Variants in RC3H1 observed in about 807,000 individuals in gnomAD.
The protein encoded by RC3H1 is roquin-1.
Under a neutral mutation model 138.2 loss-of-function variants are expected in RC3H1, and 50 were observed. The ratio of observed to expected loss-of-function variants is 0.36; its 90% confidence interval spans 0.29 to 0.46. RC3H1 has a LOEUF of 0.46. Ranked by LOEUF, RC3H1 falls within the 20% of genes least tolerant of loss-of-function variation. The pLI is 1.00. For synonymous variants in RC3H1, 462 were observed against 489.1 expected (o/e 0.94, Z 0.73); for missense variants, 1,031 against 1,388.1 (o/e 0.74, Z 4.09).
rs1157063678 is a variant in RC3H1, at chr1:173,978,521, A to G, written c.1069T>C (p.Leu357=). The G allele has an allele frequency of 3.7e-6, 6 of 1,614,036 alleles. No homozygotes were observed. Reference sequence around the variant, plus strand: ...GGGTCAATGTTTGCTAACAGCTCCAAATGGGGTCTTAGTCGGTTCAAGTTT... The same window carrying G: ...GGGTCAATGTTTGCTAACAGCTCCAGATGGGGTCTTAGTCGGTTCAAGTTT... ...PANLNRLRPH[L]ELLANIDPSP... is the part of the protein sequence containing the mutation. The change falls in exon 7 of 20, where the codon TTG becomes CTG. Residue 357 remains leucine, a synonymous_variant. Transcript: ENST00000367696.
intron 1 of RC3H1, among the ~76,000 whole-genome samples, chr1:173,998,911 G>T (rs574357533): frequency 2.6e-5 from 4 of 152,012 alleles, no homozygotes; most frequent in Non-Finnish European, 5.9e-5. Context: ...TGGCCAAAAA[G>T]GCAAGACCTT....
At chr1:173,968,979 C>T (rs1265673509) in intron 9 of RC3H1, among the ~76,000 whole-genome samples, 2 of 151,292 alleles carry the variant, frequency 1.3e-5, no homozygotes, top group East Asian at 1.9e-4. Context: ...CTGCCTCAGC[C>T]TCCCGAGTAG....
chr1:173,945,111 G>T (rs761164444), intron 17 of RC3H1, among the ~76,000 whole-genome samples: 2 of 148,544 alleles, frequency 1.3e-5, no homozygotes, highest in African/African-American at 5.1e-5. Context: ...GCACTTAAAA[G>T]ATTTTAAAAA....
At position 173,936,209 on chromosome 1, in the gene RC3H1, C is replaced by T. The variant is rs1239902446; in HGVS notation, c.*2512G>A. ...AATGAATCTTTACTTTTATTTTAAA[C>T]TTAAACAAAAATTAATACCCACAAA... is the stretch of plus-strand genomic sequence containing the variant. On this transcript the variant is annotated 3_prime_UTR_variant, in exon 20 of 20. Coordinates refer to ENST00000367696, the MANE Select transcript of RC3H1 (RefSeq NM_172071.4). The T allele has an allele frequency of 6.6e-6, 1 of 152,066 alleles. No individual in the cohort carries two copies. The highest frequency in any genetic ancestry group is 1.5e-5 in the Non-Finnish European group (1 of 68,004). 9.4% of individuals were successfully genotyped at this position (152,066 alleles called of 1,614,324 possible). A position where few individuals can be genotyped will look rare whatever the true frequency, so the allele number is the denominator to read the frequency against.
intron 8 of RC3H1, among the ~76,000 whole-genome samples, chr1:173,971,255 G>C (rs1294219814): frequency 6.6e-6 from 1 of 151,994 alleles, no homozygotes; most frequent in East Asian, 1.9e-4. Flanking sequence ...GAGCCACTGT[G>C]CCCAGCCCAT....
At chr1:173,942,229 G>A (rs1444486801) in intron 18 of RC3H1, among the ~76,000 whole-genome samples, 8 of 147,194 alleles carry the variant, frequency 5.4e-5, no homozygotes, top group East Asian at 2.0e-4. Context: ...GCAATAGTGC[G>A]AGACTCCGCC....
chr1:173,981,058 T>C (rs776354009), intron 5 of RC3H1, 49 bp from the exon 6 acceptor site: 2 of 1,486,266 alleles, frequency 1.3e-6, no homozygotes, highest in Admixed American at 3.7e-5. Flanking sequence ...AATGAGTTTA[T>C]GCTTTATATG....
At chr1:173,964,689 C>T (rs2102942729) in intron 10 of RC3H1, 150 bp downstream of exon 10, 1 of 742,032 alleles carries the variant, frequency 1.3e-6, no homozygotes, top group African/African-American at 1.8e-5. Context: ...TCTTAAAAAA[C>T]ACTAGCATGG....
intron 1 of RC3H1, chr1:174,015,763 C>T (rs1661851154): frequency 6.6e-6 from 1 of 152,174 alleles, no homozygotes; most frequent in African/African-American, 2.4e-5. Flanking sequence ...GATCCTGCCA[C>T]CTCGGCCTCC....
At chr1:173,948,868 G>C in intron 14 of RC3H1, among the ~76,000 whole-genome samples, 1 of 152,092 alleles carries the variant, frequency 6.6e-6, no homozygotes, top group Non-Finnish European at 1.5e-5. Context: ...TTACAGGTTT[G>C]AGTCACCATG....
At chr1:173,970,960 CTTTTTTTT>C (rs373953604) in intron 8 of RC3H1, among the ~76,000 whole-genome samples, 2 of 132,624 alleles carry the variant, frequency 1.5e-5, no homozygotes, top group African/African-American at 2.8e-5. Context: ...CTCATTTCCA[CTTTTTTTT>C]TTTTTTTTTT....
chr1:173,986,017 C>CTAT (rs898140190), intron 2 of RC3H1, among the ~76,000 whole-genome samples: 10 of 151,964 alleles, frequency 6.6e-5, no homozygotes, highest in Non-Finnish European at 1.0e-4. Context: ...TCAGTTTCCC[C>CTAT]TATTATTATT....
intron 1 of RC3H1, among the ~76,000 whole-genome samples, chr1:174,004,441 A>G (rs938474237): frequency 2.0e-5 from 3 of 152,026 alleles, no homozygotes; most frequent in African/African-American, 7.2e-5. Context: ...TTAATACACA[A>G]ATACGTATGT....
intron 1 of RC3H1, among the ~76,000 whole-genome samples, chr1:173,993,510 C>T (rs1481179728): frequency 1.3e-5 from 2 of 151,470 alleles, no homozygotes; most frequent in East Asian, 3.9e-4. Flanking sequence ...TGTCCTGCCT[C>T]AGCTTCCCAA....
Position 173,943,393 on chromosome 1 carries a change from T to C in RC3H1, c.3135+49A>G, listed in dbSNP as rs530892225. 3 of 1,548,420 alleles carry C rather than the reference T, an allele frequency of 1.9e-6. No individual in the cohort carries two copies. In the African/African-American group the frequency reaches 4.1e-5, roughly 21 times the overall value. On this transcript the variant is annotated intron_variant, in intron 18 of 19. Transcript: ENST00000367696. Reference sequence around the variant, plus strand: ...GCCTCTAGATAATTCTAGAGCCACATGAAAGATTTCATTTCACCTTCCCTC... The same window carrying C: ...GCCTCTAGATAATTCTAGAGCCACACGAAAGATTTCATTTCACCTTCCCTC...
chr1:173,992,056 G>A (rs1661310276), intron 2 of RC3H1, among the ~76,000 whole-genome samples: 1 of 152,168 alleles, frequency 6.6e-6, no homozygotes. Flanking sequence ...ACTGCCTGAA[G>A]CAGCTGCACC....
intron 9 of RC3H1, among the ~76,000 whole-genome samples, chr1:173,965,408 T>C (rs12562959): frequency 0.093 from 14,162 of 151,992 alleles, 885 homozygotes; most frequent in East Asian, 0.22. Flanking sequence ...CTGGCCAACA[T>C]GGTGAAGCTC....
chr1:173,990,671 C>G (rs61826777), intron 2 of RC3H1, among the ~76,000 whole-genome samples: 14,076 of 151,422 alleles, frequency 0.093, 874 homozygotes, highest in East Asian at 0.22. Flanking sequence ...CTCCCGGGTT[C>G]ACACCATTCT....
intron 13 of RC3H1, among the ~76,000 whole-genome samples, chr1:173,955,676 G>T (rs1382434819): frequency 1.3e-5 from 2 of 151,916 alleles, no homozygotes. Flanking sequence ...GATACAAAAA[G>T]CAAGGACAAC....
Sources: gnomAD v4.1 joint callset for allele counts (sites outside exome capture counted in the v4.1 genomes callset) on GRCh38, gnomAD v4.1.1 for gene constraint, MANE v1.5 for transcripts, NCBI Gene and HGNC (gene_info 2026-07-23, HGNC 2026-07-21) for gene names.